The following ATRNL1 variants were observed in gnomAD, a reference collection of about 807,000 sequenced individuals.
The protein encoded by ATRNL1 is attractin-like protein 1.
Under a neutral mutation model 182.7 loss-of-function variants are expected in ATRNL1, and 95 were observed. The ratio of observed to expected loss-of-function variants is 0.52; its 90% CI spans 0.44 to 0.62. The LOEUF (loss-of-function observed/expected upper bound fraction) is 0.62. ATRNL1 is among the 20% of genes least tolerant of loss of function. The pLI, the probability that ATRNL1 is intolerant of heterozygous loss-of-function variation, is 0.00. For missense variants in ATRNL1, 1,471 were observed against 1,679.5 expected (o/e 0.88, Z 2.17); for synonymous variants, 576 against 568.3 (o/e 1.01, Z -0.19).
intron 27 of ATRNL1, among the ~76,000 whole-genome samples, chr10:115,751,421 C>T (rs1948445260): frequency 6.6e-6 from 1 of 151,900 alleles, no homozygotes; most frequent in Non-Finnish European, 1.5e-5. Flanking sequence ...CACTAGGCAA[C>T]AAATAAAATA....
At chr10:115,498,784 G>A (rs1849675789) in intron 24 of ATRNL1, among the ~76,000 whole-genome samples, 1 of 151,474 alleles carries the variant, frequency 6.6e-6, no homozygotes, top group Non-Finnish European at 1.5e-5. Flanking sequence ...CATTTAATAG[G>A]AATATATATG....
intron 26 of ATRNL1, among the ~76,000 whole-genome samples, chr10:115,665,740 G>T (rs1860962583): frequency 1.3e-5 from 2 of 152,064 alleles, no homozygotes; most frequent in South Asian, 2.1e-4. Context: ...CTCATCCAGG[G>T]CAACCTGTGA....
chr10:115,110,550 C>T (rs1288630976), intron 1 of ATRNL1, among the ~76,000 whole-genome samples: 1 of 152,152 alleles, frequency 6.6e-6, no homozygotes, highest in Non-Finnish European at 1.5e-5. Flanking sequence ...CTCTGGATAA[C>T]AGCCTAGCTC....
intron 27 of ATRNL1, among the ~76,000 whole-genome samples, chr10:115,747,442 A>T (rs1045540568): frequency 3.3e-5 from 5 of 152,230 alleles, no homozygotes; most frequent in Admixed American, 6.5e-5. Flanking sequence ...CTCAGTGGTA[A>T]TACTGGGAAT....
chr10:115,236,903 A>G (rs1487998343), intron 9 of ATRNL1, among the ~76,000 whole-genome samples: 4 of 152,198 alleles, frequency 2.6e-5, no homozygotes, highest in Non-Finnish European at 4.4e-5. Flanking sequence ...CCTCTTGCTT[A>G]TCTCTTCCTC....
At chr10:115,591,996 A>G (rs1855938053) in intron 26 of ATRNL1, among the ~76,000 whole-genome samples, 1 of 152,232 alleles carries the variant, frequency 6.6e-6, no homozygotes, top group Non-Finnish European at 1.5e-5. Flanking sequence ...CAGCCATAAA[A>G]GAGAAAAAAT....
chr10:115,683,228 A>C (rs1946106961), intron 26 of ATRNL1, among the ~76,000 whole-genome samples: 1 of 152,060 alleles, frequency 6.6e-6, no homozygotes, highest in African/African-American at 2.4e-5. Flanking sequence ...ATATCTTTTC[A>C]ATTATTTCAT....
intron 26 of ATRNL1, among the ~76,000 whole-genome samples, chr10:115,637,975 A>G (rs1555028825): frequency 6.6e-6 from 1 of 152,108 alleles, no homozygotes; most frequent in Non-Finnish European, 1.5e-5. Context: ...AGTGTGACCT[A>G]CTTATACTAT....
At chr10:115,769,010 A>C (rs1386260146) in intron 27 of ATRNL1, among the ~76,000 whole-genome samples, 1 of 152,162 alleles carries the variant, frequency 6.6e-6, no homozygotes, top group Non-Finnish European at 1.5e-5. Context: ...TGAATGAGAA[A>C]GTATTCATTA....
intron 8 of ATRNL1, among the ~76,000 whole-genome samples, chr10:115,184,349 A>G (rs1847857845): frequency 6.7e-6 from 1 of 150,084 alleles, no homozygotes; most frequent in African/African-American, 2.5e-5. Flanking sequence ...CCAGTGCAAG[A>G]TTATATATAT....
chr10:115,808,017 G>A (rs1949961606), intron 27 of ATRNL1, among the ~76,000 whole-genome samples: 1 of 152,146 alleles, frequency 6.6e-6, no homozygotes, highest in Admixed American at 6.6e-5. Context: ...GGGGAAGAAG[G>A]TAGTTGGAAG....
intron 25 of ATRNL1, among the ~76,000 whole-genome samples, chr10:115,519,701 G>A (rs7921138): frequency 0.014 from 2,101 of 152,242 alleles, 44 homozygotes; most frequent in African/African-American, 0.048. Flanking sequence ...TTTGTTAATT[G>A]TGTGACATAT....
intron 8 of ATRNL1, among the ~76,000 whole-genome samples, chr10:115,174,679 T>C (rs1847427267): frequency 6.6e-6 from 1 of 151,962 alleles, no homozygotes; most frequent in Non-Finnish European, 1.5e-5. Context: ...AAAGTTGCCA[T>C]AGACAATAGA....
chr10:115,477,463 T>C (rs1554973376), intron 24 of ATRNL1, among the ~76,000 whole-genome samples: 2 of 151,540 alleles, frequency 1.3e-5, no homozygotes, highest in African/African-American at 4.8e-5. Flanking sequence ...CCTATAAATA[T>C]TCACTCAGGA....
chr10:115,223,887 A>G (rs1426641933), intron 9 of ATRNL1, among the ~76,000 whole-genome samples: 16 of 80,088 alleles, frequency 2.0e-4, no homozygotes, highest in South Asian at 8.2e-4. Flanking sequence ...TATTTAATAT[A>G]TGTGTGTGTG....
chr10:115,857,886 T>G (rs1456218126), intron 28 of ATRNL1, among the ~76,000 whole-genome samples: 1 of 152,250 alleles, frequency 6.6e-6, no homozygotes, highest in African/African-American at 2.4e-5. Flanking sequence ...ATTTTTCTTT[T>G]CTTTTTTCTT....
chr10:115,519,243 T>G lies in ATRNL1; in HGVS notation c.3655-20T>G. 1.2e-6 allele frequency: 2 copies of G among 1,603,270 alleles called. No homozygotes were observed. The highest frequency in any genetic ancestry group is 1.7e-6 in the Non-Finnish European group (2 of 1,173,222). The stretch of plus-strand genomic sequence containing the variant: ...TTAGAGAAGAACATACTTTCAATTT[T>G]TTTTATTTTGATTTTTCAGATTGCA... On this transcript the variant is annotated intron_variant, in intron 24 of 28. Coordinates refer to ENST00000355044, the MANE Select transcript of ATRNL1 (RefSeq NM_207303.4).
At chr10:115,293,600 T>C (rs1018150317) in intron 15 of ATRNL1, among the ~76,000 whole-genome samples, 17 of 152,222 alleles carry the variant, frequency 1.1e-4, no homozygotes, top group Non-Finnish European at 1.6e-4. Context: ...GTTATCATCT[T>C]TTCTGTTCTA....
At chr10:115,328,609 T>A (rs1302653267) in intron 18 of ATRNL1, among the ~76,000 whole-genome samples, 1 of 152,144 alleles carries the variant, frequency 6.6e-6, no homozygotes, top group Admixed American at 6.6e-5. Flanking sequence ...TTTCTTGTAA[T>A]CATCATTATA....
Sources: allele counts gnomAD v4.1 joint callset (sites outside exome capture counted in the v4.1 genomes callset), GRCh38; gene constraint gnomAD v4.1.1; transcripts MANE v1.5; gene names NCBI Gene and HGNC (gene_info 2026-07-23, HGNC 2026-07-21).